Variants in ATP9B observed in about 807,000 individuals in gnomAD.
ATP9B encodes the protein ATPase phospholipid transporting 9B.
ATP9B carries 110 observed loss-of-function variants against 146.1 expected under a neutral mutation model. That is an observed-to-expected ratio of 0.75 (90% CI 0.65 to 0.88). The LOEUF (loss-of-function observed/expected upper bound fraction) is 0.88, where lower values mean the gene tolerates loss of function less well. ATP9B is among the 40% of genes least tolerant of loss of function. The pLI, the probability that ATP9B is intolerant of heterozygous loss-of-function variation, is 0.00. For missense variants in ATP9B, 1,499 were observed against 1,496.4 expected (o/e 1.00, Z -0.03); for synonymous variants, 604 against 569.7 (o/e 1.06, Z -0.86).
chr18:79,210,098 C>T lies in ATP9B; in HGVS notation c.1030+3086C>T, dbSNP rs145772274. On this transcript the variant is annotated intron_variant, in intron 10 of 29. Transcript: ENST00000426216. Reference sequence around the variant, plus strand: ...GACACAGACAGGCAGATGCAGCAGACGAGAGGTGAGCCAAGGCAGGACACA... The same window carrying T: ...GACACAGACAGGCAGATGCAGCAGATGAGAGGTGAGCCAAGGCAGGACACA... Among the ~76,000 whole-genome samples the T allele has an allele frequency of 2.7e-3, 409 of 152,252 alleles. 1 individual carries two copies. The highest frequency in any genetic ancestry group is 6.8e-3 in the Middle Eastern group (2 of 294).
chr18:79,336,100 C>CCTCCGTGCCCTCCCTGG lies in ATP9B; in HGVS notation c.2029-527_2029-526insTCCGTGCCCTCCCTGGC, dbSNP rs1568732745. 9.6e-4 allele frequency among the ~76,000 whole-genome samples: 135 copies of CCTCCGTGCCCTCCCTGG among 140,468 alleles called. 2 individuals carry two copies. Among genetic ancestry groups the CCTCCGTGCCCTCCCTGG allele is most frequent in the African/African-American group, 3.1e-3 (119 of 38,426 alleles). 92.2% of individuals were successfully genotyped at this position (140,468 alleles called of 152,430 possible). A position where few individuals can be genotyped will look rare whatever the true frequency, so the allele number is the denominator to read the frequency against. On this transcript the variant is annotated intron_variant, in intron 17 of 29. Coordinates refer to ENST00000426216, the MANE Select transcript of ATP9B (RefSeq NM_198531.5). ...CCGTCCCCAGCACCGCCGTGTGCAC[C>CCTCCGTGCCCTCCCTGG]CACCATGCCCTCCCTGGCACCAGGC...
chr18:79,162,058 A>G (rs986711326), intron 7 of ATP9B, among the ~76,000 whole-genome samples: 5 of 152,190 alleles, frequency 3.3e-5, no homozygotes, highest in Admixed American at 3.3e-4. Context: ...GAATTTTTGT[A>G]TCTACTAACA....
At chr18:79,345,650 C>G in intron 22 of ATP9B, 78 bp downstream of exon 22, 6 of 1,595,812 alleles carry the variant, frequency 3.8e-6, no homozygotes, top group Non-Finnish European at 5.1e-6. Flanking sequence ...AAGTTTGTTC[C>G]ATCTCTAAAA....
Position 79,307,218 on chromosome 18 carries a change from C to A in ATP9B, c.1757C>A (p.Ala586Asp). The change falls in exon 15 of 30, where the codon GCT (alanine) becomes GAT (aspartate). Residue 586 changes from alanine (A) to aspartate (D), a missense_variant. Physicochemically the swap from Ala to Asp is moderately radical, Grantham distance 126. Transcript: ENST00000426216. The part of the protein sequence containing the change: ...DFSDENRTYQ[A>D]SSPDEVALVQ... Reference sequence around the variant, plus strand: ...AGTGATGAGAATCGCACCTACCAGGCTTCCAGCCCGGATGAGGTCAGTCAA... The same window carrying A: ...AGTGATGAGAATCGCACCTACCAGGATTCCAGCCCGGATGAGGTCAGTCAA... 1 of 1,614,222 alleles carries A rather than the reference C, an allele frequency of 6.2e-7. No homozygotes were observed. The highest frequency in any genetic ancestry group is 8.5e-7 in the Non-Finnish European group (1 of 1,180,022).
chr18:79,220,114 G>A (rs1257121159), intron 11 of ATP9B, among the ~76,000 whole-genome samples: 1 of 152,124 alleles, frequency 6.6e-6, no homozygotes, highest in Non-Finnish European at 1.5e-5. Flanking sequence ...AGGGACAGCC[G>A]GTCGTGATGG....
chr18:79,314,957 C>T (rs941483504), intron 15 of ATP9B, among the ~76,000 whole-genome samples: 1 of 152,178 alleles, frequency 6.6e-6, no homozygotes, highest in African/African-American at 2.4e-5. Context: ...CTTTGAAGAC[C>T]GCCGGCTTCT....
chr18:79,163,029 A>T (rs1302616578), intron 7 of ATP9B, among the ~76,000 whole-genome samples: 1 of 152,246 alleles, frequency 6.6e-6, no homozygotes, highest in Non-Finnish European at 1.5e-5. Flanking sequence ...CTGTAATAGG[A>T]TATAAGCAGG....
chr18:79,277,002 T>A, intron 12 of ATP9B, 52 bp from the exon 13 acceptor site: 3 of 1,610,248 alleles, frequency 1.9e-6, no homozygotes, highest in Non-Finnish European at 2.5e-6. Context: ...GGGTGTGAAC[T>A]TGGACATGGC....
At chr18:79,130,953 G>T (rs1341334065) in intron 5 of ATP9B, among the ~76,000 whole-genome samples, 2 of 152,222 alleles carry the variant, frequency 1.3e-5, no homozygotes, top group Non-Finnish European at 2.9e-5. Context: ...TTGAGGTTAG[G>T]CATTCAAGAT....
chr18:79,252,814 T>TC lies in ATP9B; in HGVS notation c.1108-566dup, dbSNP rs1555789651. On this transcript the variant is annotated intron_variant, in intron 11 of 29. Coordinates refer to ENST00000426216, the MANE Select transcript of ATP9B (RefSeq NM_198531.5). ...AACTATTGCTTTTTTTTTTTTTTTT[T>TC]CTGTAAGACAAGTTCTTTCAGAGAG... Among the ~76,000 whole-genome samples, 27 of 151,708 alleles carry TC rather than the reference T, an allele frequency of 1.8e-4. 1 individual carries two copies. The highest frequency in any genetic ancestry group is 3.7e-4 in the Non-Finnish European group (25 of 67,930).
At chr18:79,311,041 A>G (rs2096649843) in intron 15 of ATP9B, among the ~76,000 whole-genome samples, 1 of 152,148 alleles carries the variant, frequency 6.6e-6, no homozygotes, top group Non-Finnish European at 1.5e-5. Context: ...AATCCCAGCT[A>G]CTTGGAAGAC....
intron 12 of ATP9B, among the ~76,000 whole-genome samples, chr18:79,268,692 A>G (rs1051150689): frequency 5.6e-4 from 85 of 152,168 alleles, no homozygotes; most frequent in Admixed American, 2.6e-4. Context: ...TAACAATATC[A>G]CTGATTTTGT....
At chr18:79,151,785 C>A (rs1231267863) in intron 6 of ATP9B, among the ~76,000 whole-genome samples, 5 of 147,440 alleles carry the variant, frequency 3.4e-5, no homozygotes, top group African/African-American at 7.5e-5. Context: ...AAGTTTGTTA[C>A]ATAGGTATAC....
chr18:79,300,793 G>A (rs879750), intron 13 of ATP9B, among the ~76,000 whole-genome samples: 70,425 of 152,058 alleles, frequency 0.46, 16,490 homozygotes, highest in Middle Eastern at 0.56. Flanking sequence ...GTAATTGTTC[G>A]CTCTTGGTAG....
chr18:79,101,941 A>G (rs1435462236), intron 2 of ATP9B, among the ~76,000 whole-genome samples: 1 of 146,788 alleles, frequency 6.8e-6, no homozygotes, highest in Non-Finnish European at 1.5e-5. Context: ...TTTCCTTTTT[A>G]TTTTATTTTT....
rs901928152 is a variant in ATP9B at position 79,239,191 on chromosome 18, C to T, written c.1108-14190C>T. On this transcript the variant is annotated intron_variant, in intron 11 of 29. Coordinates refer to ENST00000426216, the MANE Select transcript of ATP9B (RefSeq NM_198531.5). The surrounding 1 kb of genome is among the most constrained non-coding windows in gnomAD (Gnocchi z 5.1). ...GATGGTGTGAAAGAGCTGCAGAAAG[C>T]ATGCAGGGAGGTGTCTGGGGCGAGA... 1.3e-5 allele frequency among the ~76,000 whole-genome samples: 2 copies of T among 152,144 alleles called. No individual in the cohort carries two copies. Among genetic ancestry groups the T allele is most frequent in the African/African-American group, 4.8e-5 (2 of 41,426 alleles).
At chr18:79,330,909 A>C (rs2147136094) in intron 17 of ATP9B, among the ~76,000 whole-genome samples, 1 of 152,364 alleles carries the variant, frequency 6.6e-6, no homozygotes, top group South Asian at 2.1e-4. Flanking sequence ...TGTAACATAA[A>C]TATTTGCAAG....
intron 11 of ATP9B, among the ~76,000 whole-genome samples, chr18:79,215,782 T>G (rs898680123): frequency 1.3e-5 from 2 of 152,100 alleles, no homozygotes; most frequent in Non-Finnish European, 2.9e-5. Flanking sequence ...CTCCAGCTCC[T>G]GGGTTCAAGC....
intron 25 of ATP9B, among the ~76,000 whole-genome samples, chr18:79,350,696 G>A (rs1178657772): frequency 6.6e-6 from 1 of 151,736 alleles, no homozygotes; most frequent in Non-Finnish European, 1.5e-5. Context: ...AATCCTAAAG[G>A]TACAATAAGT....
Sources: gnomAD v4.1 joint callset for allele counts (sites outside exome capture counted in the v4.1 genomes callset) on GRCh38, gnomAD v4.1.1 for gene constraint, Gnocchi (gnomAD v3.1) non-coding constraint, MANE v1.5 for transcripts, NCBI Gene and HGNC (gene_info 2026-07-23, HGNC 2026-07-21) for gene names.